Variants in TRAK1 observed in about 807,000 individuals in gnomAD.
TRAK1 encodes the protein trafficking kinesin protein 1.
In TRAK1, 33 loss-of-function variants were observed where a neutral mutation model predicts 92.1. That is an observed-to-expected ratio of 0.36 (90% CI 0.27 to 0.48). TRAK1 has a LOEUF of 0.48. TRAK1 is among the 20% of genes least tolerant of loss of function. The pLI, the probability that TRAK1 is intolerant of heterozygous loss-of-function variation, is 0.99. For missense variants in TRAK1, 1,123 were observed against 1,257.9 expected, an observed-to-expected ratio of 0.89 and a Z score of 1.62; for synonymous variants, 521 against 517.3, an observed-to-expected ratio of 1.01 and a Z score of -0.10.
intron 1 of TRAK1, among the ~76,000 whole-genome samples, chr3:42,123,460 C>A (rs146238661): frequency 1.7e-4 from 26 of 152,368 alleles, no homozygotes; most frequent in African/African-American, 6.0e-4. Context: ...CCTGGCCCTT[C>A]CTGCTTCCTG....
chr3:42,091,326 A>G, upstream of TRAK1: 1 of 706,990 alleles, frequency 1.4e-6, no homozygotes, highest in East Asian at 2.8e-5. Context: ...GACAGCTCAC[A>G]ATCTTAGGAT....
chr3:42,214,491 A>G (rs550018693), intron 14 of TRAK1, among the ~76,000 whole-genome samples: 1 of 152,314 alleles, frequency 6.6e-6, no homozygotes, highest in African/African-American at 2.4e-5. Flanking sequence ...GGACGTTTTA[A>G]TAGCATTCTA....
At chr3:42,106,907 A>G (rs757741597) in intron 1 of TRAK1, among the ~76,000 whole-genome samples, 14 of 152,384 alleles carry the variant, frequency 9.2e-5, no homozygotes, top group East Asian at 7.7e-4. Flanking sequence ...TAGATTAACA[A>G]TAAAACAGAT....
chr3:42,066,968 T>G lies in TRAK1; in HGVS notation c.-518-20136T>G, dbSNP rs546130839. ...GATTCTTATACAGAGGCTCTTGGCT[T>G]CTTCTCTCAATACCACACATTCCTA... On this transcript the variant is annotated intron_variant, in intron 1 of 16. Transcript: ENST00000487159. Among the ~76,000 whole-genome samples, 50 of 152,326 alleles carry G rather than the reference T, an allele frequency of 3.3e-4. 1 individual carries two copies. In the South Asian group the frequency reaches 1.0e-2, roughly 30 times the overall value.
upstream of TRAK1, among the ~76,000 whole-genome samples, chr3:42,088,851 G>C (rs1704829875): frequency 6.6e-6 from 1 of 152,174 alleles, no homozygotes; most frequent in Non-Finnish European, 1.5e-5. Context: ...TGGGAACGTT[G>C]AAGGGCCCGG....
At chr3:42,086,903 A>C (rs1023800602), upstream of TRAK1, among the ~76,000 whole-genome samples, 4 of 152,214 alleles carry the variant, frequency 2.6e-5, no homozygotes, top group Non-Finnish European at 5.9e-5. Flanking sequence ...ATTTTGGTCA[A>C]TATTGATTAG....
In TRAK1 at chr3:42,151,461, ATTATTG is replaced by A. The variant is rs540380598; in HGVS notation, c.287-25345_287-25340del. Reference sequence around the variant, plus strand: ...AATATATTGATTTATTTATTTCTGAATTATTGTTATTGTCTGAATGTATGTTGAGCA... The same window carrying A: ...AATATATTGATTTATTTATTTCTGAATTATTGTCTGAATGTATGTTGAGCA... On this transcript the variant is annotated intron_variant, in intron 2 of 15. Transcript: ENST00000327628. 1,815 of 431,488 alleles carry A rather than the reference ATTATTG, an allele frequency of 4.2e-3. 10 individuals are homozygous for A. The highest frequency in any genetic ancestry group is 6.4e-3 in the Non-Finnish European group (1,398 of 218,346). The allele number at this position is 431,488 out of a possible 1,614,324, so 26.7% of individuals were successfully genotyped here. A position where few individuals can be genotyped will look rare whatever the true frequency, so the allele number is the denominator to read the frequency against.
intron 2 of TRAK1, chr3:42,160,099 C>A: frequency 1.1e-6 from 1 of 931,184 alleles, no homozygotes; most frequent in Non-Finnish European, 1.4e-6. Context: ...ATTCCCACCC[C>A]GCCAAGTGCT....
chr3:42,047,927 T>TTC (rs1702824793), intron 1 of TRAK1, among the ~76,000 whole-genome samples: 1 of 150,488 alleles, frequency 6.6e-6, no homozygotes. Context: ...CTTTTCTTTT[T>TTC]TTTTTTTTTT....
chr3:42,140,680 C>G (rs2149215921), intron 2 of TRAK1, among the ~76,000 whole-genome samples: 1 of 152,260 alleles, frequency 6.6e-6, no homozygotes, highest in South Asian at 2.1e-4. Context: ...AAAGAAGCAC[C>G]CTGCTCAGTT....
At chr3:42,218,184 A>AT in intron 14 of TRAK1, 1 of 985,258 alleles carries the variant, frequency 1.0e-6, no homozygotes, top group Non-Finnish European at 1.2e-6. Context: ...TCCAGCATTT[A>AT]TTTTTTTGTT....
At chr3:42,062,529 CTT>C (rs1490592001) in intron 1 of TRAK1, among the ~76,000 whole-genome samples, 8 of 152,154 alleles carry the variant, frequency 5.3e-5, no homozygotes, top group Admixed American at 4.6e-4. Flanking sequence ...CTCTGAAAAA[CTT>C]TGTATTTGAG....
chr3:42,064,370 T>TAAAA (rs200782162), intron 1 of TRAK1, among the ~76,000 whole-genome samples: 1 of 149,140 alleles, frequency 6.7e-6, no homozygotes, highest in Non-Finnish European at 1.5e-5. Context: ...GGATACAAAT[T>TAAAA]AAAAAAAAAA....
intron 2 of TRAK1, among the ~76,000 whole-genome samples, chr3:42,166,737 A>G (rs1240193300): frequency 6.6e-6 from 1 of 152,256 alleles, no homozygotes; most frequent in Non-Finnish European, 1.5e-5. Flanking sequence ...AGCCAGTAGA[A>G]TAGTCACACT....
exon 1 of TRAK1, chr3:42,014,027 G>A (rs1701411268): frequency 6.8e-6 from 1 of 146,810 alleles, no homozygotes; most frequent in African/African-American, 2.4e-5. Flanking sequence ...GGGCGGCCGG[G>A]GCCGGGCCGA....
chr3:42,084,529 C>T (rs150826108), upstream of TRAK1, among the ~76,000 whole-genome samples: 1 of 152,346 alleles, frequency 6.6e-6, no homozygotes, highest in East Asian at 1.9e-4. Flanking sequence ...GACCAAGAAT[C>T]ACAACTTGCC....
chr3:42,220,578 G>A, intron 15 of TRAK1: 1 of 985,434 alleles, frequency 1.0e-6, no homozygotes, highest in Non-Finnish European at 1.2e-6. Flanking sequence ...CTGAGCCCAC[G>A]GGCGAGGCAG....
chr3:42,134,800 C>T (rs1293244215), intron 2 of TRAK1, among the ~76,000 whole-genome samples: 1 of 151,648 alleles, frequency 6.6e-6, no homozygotes, highest in African/African-American at 2.4e-5. Context: ...AGGATGGTCT[C>T]GATCTCCTGA....
intron 1 of TRAK1, among the ~76,000 whole-genome samples, chr3:42,052,135 G>A (rs1381730646): frequency 6.6e-6 from 1 of 152,230 alleles, no homozygotes; most frequent in African/African-American, 2.4e-5. Context: ...CACCTGGGCG[G>A]GTCTCTAAGG....
Sources: gnomAD v4.1 joint callset for allele counts (sites outside exome capture counted in the v4.1 genomes callset) on GRCh38, gnomAD v4.1.1 for gene constraint, MANE v1.5 for transcripts, NCBI Gene and HGNC (gene_info 2026-07-23, HGNC 2026-07-21) for gene names.